Variants in SNRNP40 observed in about 807,000 individuals in gnomAD.
SNRNP40 encodes small nuclear ribonucleoprotein U5 subunit 40.
SNRNP40 carries 21 observed loss-of-function variants against 45.8 expected under a neutral mutation model. The observed-to-expected ratio is 0.46, with a 90% CI of 0.32 to 0.66. The LOEUF is 0.66. Ranked by LOEUF, SNRNP40 falls within the 30% of genes least tolerant of loss-of-function variation. The probability of loss-of-function intolerance (pLI) is 0.03; values close to 1 mark genes in which losing one functional copy is unlikely to be tolerated. For synonymous variants in SNRNP40, 142 were observed against 163.8 expected, an observed-to-expected ratio of 0.87 and a Z score of 1.01; for missense variants, 344 against 439.1, an observed-to-expected ratio of 0.78 and a Z score of 1.94.
In SNRNP40 at chr1:31,293,633, C is replaced by T. The variant is rs372666396; in HGVS notation, c.142-285G>A. On this transcript the variant is annotated intron_variant, in intron 1 of 9. Transcript: ENST00000263694. ...GTCTCACTCTGTCACCTAGGCTGGA[C>T]TGCAGTAGTGTGATCATGGTTCACT... Among the ~76,000 whole-genome samples, 7 of 152,248 alleles carry T rather than the reference C, an allele frequency of 4.6e-5. No individual in the cohort carries two copies. In the East Asian group the frequency reaches 9.6e-4, roughly 21 times the overall value.
intron 7 of SNRNP40, among the ~76,000 whole-genome samples, chr1:31,268,441 C>A (rs935523100): frequency 6.6e-6 from 1 of 152,014 alleles, no homozygotes; most frequent in Non-Finnish European, 1.5e-5. Flanking sequence ...TGCCACCACA[C>A]CCAGATTTTT....
At chr1:31,263,665 T>C (rs1367310692) in intron 8 of SNRNP40, 4 of 450,068 alleles carry the variant, frequency 8.9e-6, no homozygotes, top group African/African-American at 2.1e-5. Flanking sequence ...GTAGTACTTC[T>C]GTATAACTGA....
Position 31,261,786 on chromosome 1 carries a change from T to C in SNRNP40, c.921-154A>G, listed in dbSNP as rs528873610. The C allele has an allele frequency of 6.3e-5, 36 of 571,764 alleles. 2 individuals carry two copies. The highest frequency in any genetic ancestry group is 5.9e-4 in the African/African-American group (31 of 52,928). 35.4% of individuals were successfully genotyped at this position (571,764 alleles called of 1,614,324 possible). On this transcript the variant is annotated intron_variant, in intron 8 of 9. Coordinates refer to ENST00000263694, the MANE Select transcript of SNRNP40 (RefSeq NM_004814.3). ...CTTTTAGAAACTAGGAACACAGAGTTTGAATAAGACATGGACTCACCTCTT... is the reference window on the plus strand; with the variant it reads ...CTTTTAGAAACTAGGAACACAGAGTCTGAATAAGACATGGACTCACCTCTT...
chr1:31,295,186 G>A (rs1384149818), intron 1 of SNRNP40, among the ~76,000 whole-genome samples: 1 of 151,918 alleles, frequency 6.6e-6, no homozygotes, highest in African/African-American at 2.4e-5. Flanking sequence ...GCTCAGGAGT[G>A]AAATCCTGTC....
chr1:31,281,563 T>A, intron 4 of SNRNP40, 67 bp from the exon 5 acceptor site: 1 of 1,441,122 alleles, frequency 6.9e-7, no homozygotes, highest in South Asian at 1.4e-5. Context: ...AGTACAAATA[T>A]CCCTTAAGTA....
intron 5 of SNRNP40, among the ~76,000 whole-genome samples, chr1:31,280,923 G>A (rs1646012254): frequency 6.6e-6 from 1 of 152,090 alleles, no homozygotes; most frequent in African/African-American, 2.4e-5. Flanking sequence ...CTGCCATATG[G>A]TCTATTGCCT....
intron 8 of SNRNP40, among the ~76,000 whole-genome samples, chr1:31,262,634 C>A (rs753449156): frequency 6.7e-6 from 1 of 150,152 alleles, no homozygotes; most frequent in Non-Finnish European, 1.5e-5. Context: ...CAATACAGTT[C>A]ATCAACGGCG....
intron 1 of SNRNP40, 86 bp from the exon 2 acceptor site, chr1:31,293,434 C>T (rs566081823): frequency 2.9e-5 from 39 of 1,340,460 alleles, no homozygotes; most frequent in East Asian, 4.9e-5. Flanking sequence ...AGGGAAAAGA[C>T]CAAGAAAACA....
chr1:31,272,225 T>G lies in SNRNP40; in HGVS notation c.655-726A>C, dbSNP rs187070269. On this transcript the variant is annotated intron_variant, in intron 5 of 9. Transcript: ENST00000263694. ...TGAAAAATACAGATGCTTAAAATTT[T>G]TCTTTTAATGTAACAATATGTGACA... Among the ~76,000 whole-genome samples, 174 of 152,336 alleles carry G rather than the reference T, an allele frequency of 1.1e-3. 2 individuals carry two copies. Among genetic ancestry groups the G allele is most frequent in the African/African-American group, 4.1e-3 (172 of 41,572 alleles).
chr1:31,287,044 T>C (rs890589664), intron 4 of SNRNP40, among the ~76,000 whole-genome samples: 3 of 152,254 alleles, frequency 2.0e-5, no homozygotes, highest in African/African-American at 7.2e-5. Context: ...AGAATGCTTT[T>C]AGACTAAAAA....
chr1:31,289,314 A>G lies in SNRNP40; in HGVS notation c.471T>C (p.Cys157=). 6.2e-7 allele frequency: 1 copy of G among 1,613,820 alleles called. No homozygotes were observed. The highest frequency in any genetic ancestry group is 8.5e-7 in the Non-Finnish European group (1 of 1,179,668). ...GCTGAGGGCCTCTCCTGGCTGGATA[A>G]CAGGAATTCACAAAGGAAGTATGTC... ...LKGHTSFVNS[C]YPARRGPQLV... is the part of the protein sequence containing the mutation. Residue 157 remains cysteine, a synonymous_variant, in exon 4 of 10, where the codon TGT becomes TGC. Transcript: ENST00000263694.
At chr1:31,270,281 A>AT (rs1348755880) in intron 6 of SNRNP40, among the ~76,000 whole-genome samples, 1 of 152,162 alleles carries the variant, frequency 6.6e-6, no homozygotes, top group Non-Finnish European at 1.5e-5. Flanking sequence ...TTATTCTATT[A>AT]TTTTTTCCTT....
intron 5 of SNRNP40, among the ~76,000 whole-genome samples, chr1:31,273,303 T>C (rs1318861973): frequency 6.6e-6 from 1 of 152,124 alleles, no homozygotes; most frequent in Non-Finnish European, 1.5e-5. Context: ...CCTTGAGGCC[T>C]GTACACCTTG....
At chr1:31,274,381 C>G (rs1404448311) in intron 5 of SNRNP40, among the ~76,000 whole-genome samples, 1 of 152,030 alleles carries the variant, frequency 6.6e-6, no homozygotes, top group East Asian at 1.9e-4. Flanking sequence ...GGACTACAGG[C>G]GCGCACCACC....
chr1:31,285,295 G>A (rs1403871619), intron 4 of SNRNP40, among the ~76,000 whole-genome samples: 2 of 149,842 alleles, frequency 1.3e-5, no homozygotes, highest in Admixed American at 6.7e-5. Context: ...TCATTCTGGA[G>A]TGCAGTGGCG....
At chr1:31,295,379 G>A (rs1646139470) in intron 1 of SNRNP40, among the ~76,000 whole-genome samples, 1 of 152,120 alleles carries the variant, frequency 6.6e-6, no homozygotes, top group African/African-American at 2.4e-5. Flanking sequence ...AAGCAATGTG[G>A]GTTCCACAGT....
intron 5 of SNRNP40, among the ~76,000 whole-genome samples, chr1:31,277,468 A>G (rs1645983841): frequency 6.6e-6 from 1 of 152,220 alleles, no homozygotes; most frequent in African/African-American, 2.4e-5. Flanking sequence ...TTAAACATAT[A>G]TTTGAATGCA....
chr1:31,286,422 T>C (rs1426907408), intron 4 of SNRNP40, among the ~76,000 whole-genome samples: 1 of 152,174 alleles, frequency 6.6e-6, no homozygotes, highest in East Asian at 1.9e-4. Context: ...ATTCCCATTC[T>C]TGGTTGAAGC....
chr1:31,266,351 G>C (rs545788193), intron 8 of SNRNP40, among the ~76,000 whole-genome samples: 2 of 152,260 alleles, frequency 1.3e-5, no homozygotes, highest in African/African-American at 4.8e-5. Flanking sequence ...CTAAAGGGGA[G>C]GATAGGATTA....
Sources: allele counts gnomAD v4.1 joint callset (sites outside exome capture counted in the v4.1 genomes callset), GRCh38; gene constraint gnomAD v4.1.1; transcripts MANE v1.5; gene names NCBI Gene and HGNC (gene_info 2026-07-23, HGNC 2026-07-21).